Variants in TRIM69 observed in about 807,000 individuals in gnomAD.
The protein encoded by TRIM69 is tripartite motif containing 69.
A neutral mutation model predicts 37.7 loss-of-function variants in TRIM69; 29 were observed. The observed-to-expected ratio is 0.77, with a 90% confidence interval of 0.57 to 1.05. The LOEUF is 1.05. Among genes scored for constraint, TRIM69 ranks in the 50% least tolerant of loss-of-function variants. The pLI is 0.00. For missense variants in TRIM69, 596 were observed against 579.9 expected (o/e 1.03, Z -0.28); for synonymous variants, 209 against 212.4 (o/e 0.98, Z 0.14).
rs747465541 is a variant in TRIM69, at chr15:44,754,911, C to T, written c.18C>T (p.Asn6=). The T allele has an allele frequency of 2.4e-5, 38 of 1,610,758 alleles. No individual in the cohort carries two copies. Among genetic ancestry groups the T allele is most frequent in the Non-Finnish European group, 2.8e-5 (33 of 1,177,688 alleles). MEVST[N]PSSNIDPGDY... ...GTTCTTTTCTAAAGGTATCCACCAA[C>T]CCCTCCTCCAACATCGATCCAGGCG... The change falls in exon 2 of 7, where the codon AAC becomes AAT. Residue 6 remains asparagine (N), a synonymous_variant. Transcript: ENST00000329464.
chr15:44,762,741 T>C (rs1446957056), intron 6 of TRIM69, among the ~76,000 whole-genome samples: 2 of 152,188 alleles, frequency 1.3e-5, no homozygotes, highest in Non-Finnish European at 2.9e-5. Flanking sequence ...ACCATGTTCA[T>C]GCCTTCCTCT....
chr15:44,739,455 C>T (rs914566240), intron 1 of TRIM69, among the ~76,000 whole-genome samples: 1 of 152,240 alleles, frequency 6.6e-6, no homozygotes, highest in Admixed American at 6.5e-5. Context: ...CGCAAGGGGT[C>T]AGGGAGGTCC....
chr15:44,767,307 G>T lies in TRIM69; in HGVS notation c.1038G>T (p.Trp346Cys), dbSNP rs745458449. The T allele has an allele frequency of 2.5e-6, 4 of 1,614,002 alleles. No homozygotes were observed. Among genetic ancestry groups the T allele is most frequent in the Non-Finnish European group, 3.4e-6 (4 of 1,180,016 alleles). ...TCTCCAAAAGCCAAACCAGCGTCTG[G>T]CATGGTGACATTAAGAAGATAATGC... The part of the protein sequence containing the change: ...LVLSKSQTSV[W>C]HGDIKKIMPD... Residue 346 changes from tryptophan to cysteine, a missense_variant, in exon 7 of 7, where the codon TGG (tryptophan) becomes TGT (cysteine). Physicochemically the swap from Trp to Cys is radical, Grantham distance 215. Coordinates refer to ENST00000329464, the MANE Select transcript of TRIM69 (RefSeq NM_182985.5).
At chr15:44,762,598 T>C (rs2087800678) in intron 6 of TRIM69, among the ~76,000 whole-genome samples, 1 of 152,136 alleles carries the variant, frequency 6.6e-6, no homozygotes, top group Non-Finnish European at 1.5e-5. Flanking sequence ...GTTTCTATTG[T>C]TATTCAAGTT....
At chr15:44,755,454 A>G in intron 2 of TRIM69, 78 bp downstream of exon 2, 1 of 1,030,184 alleles carries the variant, frequency 9.7e-7, no homozygotes, top group Non-Finnish European at 1.4e-6. Context: ...CTTTCTTCCA[A>G]CCCCATCCCT....
intron 1 of TRIM69, among the ~76,000 whole-genome samples, chr15:44,743,860 A>G (rs1187739832): frequency 1.3e-5 from 2 of 152,194 alleles, no homozygotes; most frequent in African/African-American, 4.8e-5. Flanking sequence ...TGTTGGTGGG[A>G]CTGTAAACTA....
intron 6 of TRIM69, among the ~76,000 whole-genome samples, chr15:44,761,532 T>C (rs1011917873): frequency 2.0e-5 from 3 of 152,192 alleles, no homozygotes; most frequent in African/African-American, 7.2e-5. Flanking sequence ...GTGGTGCATC[T>C]CAACTCACTG....
intron 3 of TRIM69, 52 bp downstream of exon 3, chr15:44,756,515 T>A: frequency 8.0e-7 from 1 of 1,257,174 alleles, no homozygotes; most frequent in Non-Finnish European, 1.1e-6. Flanking sequence ...ACACCCTCCA[T>A]GTAACTTCAG....
At chr15:44,750,827 C>T (rs1285493619) in intron 1 of TRIM69, among the ~76,000 whole-genome samples, 2 of 140,880 alleles carry the variant, frequency 1.4e-5, no homozygotes, top group Middle Eastern at 4.4e-3. Context: ...TGGGTTAACT[C>T]CATTCTCCTG....
chr15:44,758,765 C>G lies in TRIM69; in HGVS notation c.724C>G (p.Gln242Glu). The change falls in exon 4 of 7, where the codon CAG becomes GAG. Residue 242 changes from glutamine to glutamate, a missense_variant. Transcript: ENST00000329464. ...LNEEMELNLS[Q>E]LQEQCLLAKD... The stretch of plus-strand genomic sequence containing the variant: ...TGAGGAGATGGAGTTGAATCTGAGC[C>G]AGCTTCAGGAGCAATGTCTCTTAGC... 6.2e-7 allele frequency: 1 copy of G among 1,614,134 alleles called. No individual in the cohort carries two copies. Among genetic ancestry groups the G allele is most frequent in the Non-Finnish European group, 8.5e-7 (1 of 1,180,010 alleles).
At chr15:44,749,551 A>G (rs910256811) in intron 1 of TRIM69, among the ~76,000 whole-genome samples, 3 of 152,222 alleles carry the variant, frequency 2.0e-5, no homozygotes, top group African/African-American at 7.2e-5. Flanking sequence ...ATGTTGTAGC[A>G]TGTATGAATA....
At chr15:44,756,242 G>C in intron 2 of TRIM69, 126 bp from the exon 3 acceptor site, 1 of 635,628 alleles carries the variant, frequency 1.6e-6, no homozygotes, top group Non-Finnish European at 2.8e-6. Context: ...TATGATACAG[G>C]GGAAGGGGAA....
At chr15:44,742,845 C>T (rs1311425528) in intron 1 of TRIM69, among the ~76,000 whole-genome samples, 3 of 151,448 alleles carry the variant, frequency 2.0e-5, no homozygotes, top group African/African-American at 7.3e-5. Flanking sequence ...ACATTCCACG[C>T]TCATGGATAG....
intron 3 of TRIM69, chr15:44,758,003 G>C (rs1261381724): frequency 1.3e-5 from 2 of 153,448 alleles, no homozygotes; most frequent in Admixed American, 6.5e-5. Context: ...AGTGAGCCTG[G>C]TGCATAAAAA....
At chr15:44,737,664 T>G (rs1309020120) in intron 1 of TRIM69, among the ~76,000 whole-genome samples, 1 of 152,192 alleles carries the variant, frequency 6.6e-6, no homozygotes, top group African/African-American at 2.4e-5. Flanking sequence ...GTTCAGAATC[T>G]TGCCTTCTTA....
intron 1 of TRIM69, among the ~76,000 whole-genome samples, chr15:44,742,953 G>C (rs1280526487): frequency 4.6e-5 from 7 of 151,326 alleles, no homozygotes; most frequent in Non-Finnish European, 7.4e-5. Flanking sequence ...TCACAGAATT[G>C]GAAAAAACTA....
chr15:44,754,792 A>G, intron 1 of TRIM69, 108 bp from the exon 2 acceptor site: 1 of 788,418 alleles, frequency 1.3e-6, no homozygotes, highest in Non-Finnish European at 2.1e-6. Flanking sequence ...ATGTGCTTTT[A>G]CTTTAGTTGT....
At chr15:44,761,751 C>T (rs1006781672) in intron 6 of TRIM69, among the ~76,000 whole-genome samples, 56 of 152,284 alleles carry the variant, frequency 3.7e-4, no homozygotes, top group Middle Eastern at 3.4e-3. Context: ...AGGCATGAGC[C>T]GTGGTGCCCG....
intron 1 of TRIM69, among the ~76,000 whole-genome samples, chr15:44,738,093 C>T (rs1428474286): frequency 7.1e-6 from 1 of 140,254 alleles, no homozygotes; most frequent in Non-Finnish European, 1.5e-5. Flanking sequence ...GAGTCTCACT[C>T]TCTTGCTCAG....
Sources: gnomAD v4.1 joint callset for allele counts (sites outside exome capture counted in the v4.1 genomes callset) on GRCh38, gnomAD v4.1.1 for gene constraint, MANE v1.5 for transcripts, NCBI Gene and HGNC (gene_info 2026-07-23, HGNC 2026-07-21) for gene names.